AKAP10: variants seen among roughly 807,000 people sequenced by gnomAD.
The protein encoded by AKAP10 is A-kinase anchor protein 10, mitochondrial.
Under a neutral mutation model 80.8 loss-of-function variants are expected in AKAP10, and 24 were observed. The ratio of observed to expected loss-of-function variants is 0.30; its 90% CI spans 0.22 to 0.42. The LOEUF (loss-of-function observed/expected upper bound fraction) is 0.42, where lower values mean the gene tolerates loss of function less well. AKAP10 is among the 10% of genes least tolerant of loss of function. The probability of loss-of-function intolerance (pLI) is 1.00; values close to 1 mark genes in which losing one functional copy is unlikely to be tolerated. For missense variants in AKAP10, 661 were observed against 794.9 expected (o/e 0.83, Z 2.03); for synonymous variants, 291 against 277.7 (o/e 1.05, Z -0.48).
chr17:19,926,277 A>T (rs549118077), intron 10 of AKAP10, among the ~76,000 whole-genome samples: 57 of 137,880 alleles, frequency 4.1e-4, no homozygotes, highest in African/African-American at 1.1e-3. Flanking sequence ...TTCATGATTT[A>T]AAAAAAAAAA....
chr17:19,923,330 G>A (rs1057199418), intron 11 of AKAP10, among the ~76,000 whole-genome samples: 7 of 151,988 alleles, frequency 4.6e-5, no homozygotes, highest in South Asian at 4.2e-4. Context: ...CGCCCGTCTC[G>A]GCCTCCCAAA....
At chr17:19,947,186 C>G in intron 5 of AKAP10, 1 of 515,800 alleles carries the variant, frequency 1.9e-6, no homozygotes, top group Non-Finnish European at 3.5e-6. Context: ...ACCCGCTACA[C>G]TGCAGCCCAT....
At chr17:19,923,100 CAG>C (rs760413607) in intron 11 of AKAP10, among the ~76,000 whole-genome samples, 43 of 152,038 alleles carry the variant, frequency 2.8e-4, no homozygotes, top group Non-Finnish European at 5.3e-4. Context: ...TTTTTTGAGA[CAG>C]AGTCTTACTC....
intron 5 of AKAP10, among the ~76,000 whole-genome samples, chr17:19,946,222 T>TATATATATATATATATTTTA (rs1461476145): frequency 2.9e-5 from 1 of 33,958 alleles, no homozygotes; most frequent in African/African-American, 1.0e-4. Flanking sequence ...TATATATATT[T>TATATATATATATATATTTTA]TATATATATA....
rs73980761 is a variant in AKAP10 at position 19,962,821 on chromosome 17, A to C, written c.319+19T>G. The C allele has an allele frequency of 2.3e-3, 3,718 of 1,606,058 alleles. 76 individuals carry two copies. In the African/African-American group the frequency reaches 0.044, roughly 19 times the overall value. On this transcript the variant is annotated intron_variant, in intron 3 of 14. Transcript: ENST00000225737. ...CAAATCCTTCTAATACAAGTTAATA[A>C]AAAATGATAGTTACTTACCCAGGTC...
At chr17:19,950,300 T>C (rs1483212259) in intron 4 of AKAP10, among the ~76,000 whole-genome samples, 1 of 152,000 alleles carries the variant, frequency 6.6e-6, no homozygotes, top group Non-Finnish European at 1.5e-5. Flanking sequence ...AAAAAGGGGC[T>C]CTCCCTCGTC....
chr17:19,936,448 C>T lies in AKAP10; in HGVS notation c.1323-18G>A, dbSNP rs1567760371. On this transcript the variant is annotated intron_variant, in intron 8 of 14. Transcript: ENST00000225737. ...AGAAGTACCTATGGTAAAAAGATAT[C>T]CGAAGTAAAATCAAATTCCATAGCA... The T allele has an allele frequency of 6.3e-7, 1 of 1,585,968 alleles. No homozygotes were observed. Among genetic ancestry groups the T allele is most frequent in the African/African-American group, 1.3e-5 (1 of 74,124 alleles).
intron 1 of AKAP10, among the ~76,000 whole-genome samples, chr17:19,970,717 G>C (rs1444782308): frequency 6.6e-6 from 1 of 152,054 alleles, no homozygotes; most frequent in Non-Finnish European, 1.5e-5. Context: ...CAGCTACTTA[G>C]AAGGCTGAGG....
chr17:19,935,346 G>A (rs905431113), intron 9 of AKAP10, among the ~76,000 whole-genome samples: 4 of 152,074 alleles, frequency 2.6e-5, no homozygotes, highest in Non-Finnish European at 5.9e-5. Flanking sequence ...AGTTGCTCTG[G>A]GTGAGTCAGC....
chr17:19,910,466 T>C (rs747450154), intron 12 of AKAP10, among the ~76,000 whole-genome samples: 4 of 152,212 alleles, frequency 2.6e-5, no homozygotes, highest in Non-Finnish European at 2.9e-5. Context: ...ACTGATTATA[T>C]TGCTTACATA....
At chr17:19,968,352 G>A in intron 2 of AKAP10, 62 bp downstream of exon 2, 1 of 1,307,402 alleles carries the variant, frequency 7.6e-7, no homozygotes, top group Non-Finnish European at 1.1e-6. Flanking sequence ...CAGGATTAAA[G>A]AACTCACAAA....
At chr17:19,918,224 C>CA (rs559332326) in intron 12 of AKAP10, among the ~76,000 whole-genome samples, 14,869 of 85,978 alleles carry the variant, frequency 0.17, 838 homozygotes, top group Non-Finnish European at 0.19. Flanking sequence ...CCGTCTCAAA[C>CA]AAAAAAAAAA....
intron 11 of AKAP10, among the ~76,000 whole-genome samples, chr17:19,924,092 C>T (rs956409167): frequency 6.6e-6 from 1 of 152,118 alleles, no homozygotes; most frequent in Non-Finnish European, 1.5e-5. Flanking sequence ...CAAAGGAATA[C>T]TTTTTCCAAG....
At chr17:19,960,177 G>T (rs1401454553) in intron 3 of AKAP10, among the ~76,000 whole-genome samples, 1 of 152,158 alleles carries the variant, frequency 6.6e-6, no homozygotes, top group Non-Finnish European at 1.5e-5. Context: ...CTAAGATACT[G>T]ACAGTGATAC....
chr17:19,907,649 C>T (rs1487407644), intron 14 of AKAP10, among the ~76,000 whole-genome samples: 1 of 151,878 alleles, frequency 6.6e-6, no homozygotes, highest in Non-Finnish European at 1.5e-5. Context: ...TGAACTCCTA[C>T]CCACCTTGGC....
chr17:19,974,110 T>C (rs558174622), intron 1 of AKAP10, among the ~76,000 whole-genome samples: 2 of 152,178 alleles, frequency 1.3e-5, no homozygotes, highest in South Asian at 4.2e-4. Flanking sequence ...GAGAATCACT[T>C]GAACCCAGGA....
chr17:19,959,360 T>C (rs561883546), intron 3 of AKAP10, among the ~76,000 whole-genome samples: 33 of 152,312 alleles, frequency 2.2e-4, no homozygotes, highest in Middle Eastern at 3.4e-3. Flanking sequence ...TCTCATTCGC[T>C]GGTCATGAGG....
chr17:19,956,106 T>A (rs369351669), intron 4 of AKAP10, among the ~76,000 whole-genome samples: 74 of 152,266 alleles, frequency 4.9e-4, no homozygotes, highest in Middle Eastern at 3.4e-3. Context: ...CAGCACCATC[T>A]GGGACAATAC....
In AKAP10 at chr17:19,958,400, G is replaced by A. The variant is rs766156264; in HGVS notation, c.491C>T (p.Thr164Ile). The A allele has an allele frequency of 3.1e-6, 5 of 1,614,190 alleles. No individual in the cohort carries two copies. The South Asian group carries it at 4.4e-5, about 14-fold the overall frequency. The change falls in exon 4 of 15, where the codon ACA (threonine) becomes ATA (isoleucine). Residue 164 changes from threonine (T) to isoleucine (I), a missense_variant. Coordinates refer to ENST00000225737, the MANE Select transcript of AKAP10 (RefSeq NM_007202.4). ...FWLEAESFHS[T>I]TWSRIRAHSL... ...GTGTGCTCTTATTCGCGACCAAGTT[G>A]TTGAATGAAAACTTTCAGCCTCTAA...
Sources: gnomAD v4.1 joint callset for allele counts (sites outside exome capture counted in the v4.1 genomes callset) on GRCh38, gnomAD v4.1.1 for gene constraint, MANE v1.5 for transcripts, NCBI Gene and HGNC (gene_info 2026-07-23, HGNC 2026-07-21) for gene names.